Variants in ASCC3 observed in about 807,000 individuals in gnomAD.
ASCC3 encodes the protein activating signal cointegrator 1 complex subunit 3, also known as ASC-1 complex subunit P200.
In ASCC3, 158 loss-of-function variants were observed where a neutral mutation model predicts 256.3. That is an observed-to-expected ratio of 0.62 (90% confidence interval 0.54 to 0.70). ASCC3 has a LOEUF of 0.70. Among genes scored for constraint, ASCC3 ranks in the 30% least tolerant of loss-of-function variants. The probability of loss-of-function intolerance (pLI) is 0.00; values close to 1 mark genes in which losing one functional copy is unlikely to be tolerated. For synonymous variants in ASCC3, 948 were observed against 883.4 expected (o/e 1.07, Z -1.30); for missense variants, 2,259 against 2,626.0 (o/e 0.86, Z 3.05).
intron 18 of ASCC3, among the ~76,000 whole-genome samples, chr6:100,652,387 C>CA (rs530612106): frequency 5.8e-4 from 88 of 152,192 alleles, no homozygotes; most frequent in African/African-American, 2.0e-3. Flanking sequence ...AAGTGCTATA[C>CA]AAATAGAAGG....
intron 34 of ASCC3, among the ~76,000 whole-genome samples, chr6:100,596,068 A>G (rs1265353520): frequency 1.3e-5 from 2 of 152,120 alleles, no homozygotes; most frequent in African/African-American, 4.8e-5. Context: ...ATTTTTGTAC[A>G]GCTATGGTCT....
At chr6:100,775,727 C>T (rs1490798003) in intron 8 of ASCC3, among the ~76,000 whole-genome samples, 3 of 151,936 alleles carry the variant, frequency 2.0e-5, no homozygotes, top group Admixed American at 2.0e-4. Context: ...TTATACCACT[C>T]CCTATAAAGT....
At chr6:100,715,620 T>A (rs977155848) in intron 12 of ASCC3, 87 bp from the exon 13 acceptor site, 25 of 1,043,600 alleles carry the variant, frequency 2.4e-5, no homozygotes, top group Non-Finnish European at 3.0e-5. Context: ...TTACAATGCA[T>A]TTTTTAAGCT....
intron 4 of ASCC3, among the ~76,000 whole-genome samples, chr6:100,809,353 TC>T (rs1256112581): frequency 2.1e-4 from 32 of 152,022 alleles, no homozygotes; most frequent in Non-Finnish European, 4.0e-4. Flanking sequence ...TAAGCTTTTT[TC>T]TATTTTTAAA....
In ASCC3 at chr6:100,647,361, C is replaced by G. The variant is rs765295534; in HGVS notation, c.3343G>C (p.Val1115Leu). ...MTYRLLNLSK[V>L]IDKRLWGWAS... The stretch of plus-strand genomic sequence containing the variant: ...CAACCCCAAAGCCTCTTGTCAATGA[C>G]TTTACTAAGATTCAGGAGCCTGTAG... Residue 1115 changes from valine to leucine, a missense_variant, in exon 21 of 42, where the codon GTC (valine) becomes CTC (leucine). By Grantham distance (32) the Val-to-Leu change is conservative. Coordinates refer to ENST00000369162, the MANE Select transcript of ASCC3 (RefSeq NM_006828.4). 25 of 1,613,886 alleles carry G rather than the reference C, an allele frequency of 1.5e-5. No homozygotes were observed. Among genetic ancestry groups the G allele is most frequent in the Non-Finnish European group, 2.0e-5 (24 of 1,179,964 alleles).
At chr6:100,697,185 A>C (rs919063630) in intron 13 of ASCC3, among the ~76,000 whole-genome samples, 2 of 152,096 alleles carry the variant, frequency 1.3e-5, no homozygotes, top group African/African-American at 4.8e-5. Flanking sequence ...GCTTTTATGC[A>C]AGACATTCTG....
intron 14 of ASCC3, among the ~76,000 whole-genome samples, chr6:100,671,712 C>T (rs1381649666): frequency 3.3e-5 from 5 of 152,066 alleles, no homozygotes; most frequent in Admixed American, 2.6e-4. Context: ...GCATGCAGAA[C>T]TTCTTTCCAC....
At chr6:100,521,906 A>C (rs1468399089) in intron 37 of ASCC3, among the ~76,000 whole-genome samples, 1 of 152,176 alleles carries the variant, frequency 6.6e-6, no homozygotes, top group Non-Finnish European at 1.5e-5. Context: ...CTGGCAGATA[A>C]GGACTAATAG....
chr6:100,653,358 G>A (rs239234), intron 17 of ASCC3, among the ~76,000 whole-genome samples: 78,616 of 151,812 alleles, frequency 0.52, 20,562 homozygotes, highest in East Asian at 0.68. Context: ...AAAGTTATCC[G>A]GCCGGGCACA....
chr6:100,653,956 A>G (rs913295370), intron 17 of ASCC3, among the ~76,000 whole-genome samples: 5 of 152,060 alleles, frequency 3.3e-5, no homozygotes, highest in African/African-American at 9.7e-5. Flanking sequence ...TTAGAAATCA[A>G]TTAATGAGTT....
intron 36 of ASCC3, among the ~76,000 whole-genome samples, chr6:100,579,798 C>G (rs954614813): frequency 6.6e-6 from 1 of 152,160 alleles, no homozygotes; most frequent in East Asian, 1.9e-4. Flanking sequence ...TTAGGATTGC[C>G]TTGGCTATTC....
At chr6:100,548,585 G>C (rs75394456) in intron 36 of ASCC3, among the ~76,000 whole-genome samples, 2,683 of 151,966 alleles carry the variant, frequency 0.018, 74 homozygotes, top group African/African-American at 0.062. Flanking sequence ...CATTATTCAA[G>C]CAACTACATA....
chr6:100,762,718 T>A (rs1291935888), intron 10 of ASCC3, among the ~76,000 whole-genome samples: 3 of 152,170 alleles, frequency 2.0e-5, no homozygotes, highest in Admixed American at 2.0e-4. Context: ...AGGTCCCTAG[T>A]GAACCACAAA....
At chr6:100,654,784 C>T (rs756477055) in intron 17 of ASCC3, among the ~76,000 whole-genome samples, 6 of 151,878 alleles carry the variant, frequency 4.0e-5, no homozygotes, top group Non-Finnish European at 8.8e-5. Flanking sequence ...CTAATTGCTG[C>T]TGCTGCTTTT....
At chr6:100,777,675 C>T (rs908397130) in intron 8 of ASCC3, among the ~76,000 whole-genome samples, 1 of 152,006 alleles carries the variant, frequency 6.6e-6, no homozygotes, top group African/African-American at 2.4e-5. Flanking sequence ...AACCTCAGTA[C>T]ATTCTAGGCA....
intron 12 of ASCC3, among the ~76,000 whole-genome samples, chr6:100,717,216 G>C (rs1289554899): frequency 6.6e-6 from 1 of 151,806 alleles, no homozygotes; most frequent in African/African-American, 2.4e-5. Context: ...GATATTTTTA[G>C]GTGAATATTT....
chr6:100,788,141 T>A (rs6570971), intron 8 of ASCC3, among the ~76,000 whole-genome samples: 1 of 151,900 alleles, frequency 6.6e-6, no homozygotes, highest in Non-Finnish European at 1.5e-5. Flanking sequence ...AACAAATTAC[T>A]CAATTAAAAA....
chr6:100,804,252 G>A (rs770263816), intron 5 of ASCC3, among the ~76,000 whole-genome samples: 2 of 152,042 alleles, frequency 1.3e-5, no homozygotes, highest in Non-Finnish European at 2.9e-5. Context: ...TGTGGGTAAC[G>A]GGTCTAGGAA....
chr6:100,757,966 G>T (rs1562275910), intron 10 of ASCC3, among the ~76,000 whole-genome samples: 1 of 152,160 alleles, frequency 6.6e-6, no homozygotes, highest in Admixed American at 6.6e-5. Context: ...AAACACCACA[G>T]AGAATGAAAG....
Sources: allele counts gnomAD v4.1 joint callset (sites outside exome capture counted in the v4.1 genomes callset), GRCh38; gene constraint gnomAD v4.1.1; transcripts MANE v1.5; gene names NCBI Gene and HGNC (gene_info 2026-07-23, HGNC 2026-07-21).